Variants in SMC1B observed in about 807,000 individuals in gnomAD.
SMC1B encodes the protein structural maintenance of chromosomes protein 1B.
SMC1B carries 60 observed loss-of-function variants against 157.9 expected under a neutral mutation model. The observed-to-expected ratio is 0.38, with a 90% CI of 0.31 to 0.47. The LOEUF is 0.47. Ranked by LOEUF, SMC1B falls within the 20% of genes least tolerant of loss-of-function variation. The pLI, the probability that SMC1B is intolerant of heterozygous loss-of-function variation, is 0.99. For synonymous variants in SMC1B, 445 were observed against 483.0 expected, an observed-to-expected ratio of 0.92 and a Z score of 1.03; for missense variants, 1,165 against 1,426.2, an observed-to-expected ratio of 0.82 and a Z score of 2.95.
chr22:45,356,663 G>C (rs568207575), intron 19 of SMC1B, among the ~76,000 whole-genome samples: 1 of 151,664 alleles, frequency 6.6e-6, no homozygotes, highest in South Asian at 2.1e-4. Context: ...TTTACCATAA[G>C]ATGAGAAACC....
chr22:45,392,289 T>C (rs2087068640), intron 9 of SMC1B, among the ~76,000 whole-genome samples: 1 of 152,136 alleles, frequency 6.6e-6, no homozygotes, highest in Admixed American at 6.5e-5. Context: ...AACACATACA[T>C]GTGAGTTTGC....
At chr22:45,371,422 TG>T in intron 14 of SMC1B, 48 bp downstream of exon 14, 1 of 1,486,216 alleles carries the variant, frequency 6.7e-7, no homozygotes, top group South Asian at 1.5e-5. Flanking sequence ...ATCTAGTATC[TG>T]GTCTAGAACT....
chr22:45,390,824 T>C (rs1434424102), intron 9 of SMC1B, among the ~76,000 whole-genome samples: 1 of 152,212 alleles, frequency 6.6e-6, no homozygotes, highest in East Asian at 1.9e-4. Flanking sequence ...AATGTTTGAA[T>C]GTCAAGCATC....
chr22:45,398,495 G>A (rs534317236), intron 6 of SMC1B, among the ~76,000 whole-genome samples: 4 of 152,264 alleles, frequency 2.6e-5, no homozygotes, highest in African/African-American at 4.8e-5. Flanking sequence ...GAGCAAGGGC[G>A]TCACCAACTG....
intron 10 of SMC1B, among the ~76,000 whole-genome samples, chr22:45,388,465 T>A (rs2087014859): frequency 6.6e-6 from 1 of 152,016 alleles, no homozygotes; most frequent in South Asian, 2.1e-4. Context: ...AACAGACAGA[T>A]GAGATGGGGT....
chr22:45,353,658 AAATT>A (rs2086637204), intron 21 of SMC1B, among the ~76,000 whole-genome samples: 1 of 152,140 alleles, frequency 6.6e-6, no homozygotes, highest in Non-Finnish European at 1.5e-5. Flanking sequence ...CTATAAAATC[AAATT>A]AATACCAGAC....
chr22:45,400,375 C>T (rs2087178459), intron 5 of SMC1B, among the ~76,000 whole-genome samples: 1 of 152,142 alleles, frequency 6.6e-6, no homozygotes, highest in East Asian at 1.9e-4. Flanking sequence ...GAGAATATTT[C>T]AAAGGGACAC....
chr22:45,401,481 G>A (rs762877251), intron 5 of SMC1B, among the ~76,000 whole-genome samples: 1 of 152,254 alleles, frequency 6.6e-6, no homozygotes, highest in South Asian at 2.1e-4. Context: ...CACGTGTACA[G>A]TAGAAAAGCT....
intron 20 of SMC1B, among the ~76,000 whole-genome samples, chr22:45,354,489 C>T (rs2086650924): frequency 1.3e-5 from 2 of 152,146 alleles, no homozygotes; most frequent in South Asian, 4.1e-4. Flanking sequence ...CTCCCAGGTT[C>T]AAGCAATTCT....
chr22:45,413,335 C>A, intron 1 of SMC1B, 124 bp downstream of exon 1: 1 of 713,886 alleles, frequency 1.4e-6, no homozygotes. Flanking sequence ...GGTCAGGCTC[C>A]GGGACTGGAA....
chr22:45,357,679 T>G (rs1054940209), intron 19 of SMC1B, among the ~76,000 whole-genome samples: 2 of 152,218 alleles, frequency 1.3e-5, no homozygotes, highest in African/African-American at 4.8e-5. Context: ...CACAACACAG[T>G]CAGAAATGCT....
intron 18 of SMC1B, among the ~76,000 whole-genome samples, chr22:45,359,505 A>C (rs1019470762): frequency 6.6e-6 from 1 of 152,124 alleles, no homozygotes; most frequent in African/African-American, 2.4e-5. Context: ...CATGATGTAA[A>C]ATGTTATGAG....
chr22:45,367,283 A>T (rs2086785700), intron 15 of SMC1B, among the ~76,000 whole-genome samples: 3 of 151,790 alleles, frequency 2.0e-5, no homozygotes. Context: ...CCTGTTGGGT[A>T]CCTTTTCTTT....
At chr22:45,360,041 T>A (rs1285601655) in intron 17 of SMC1B, 83 bp from the exon 18 acceptor site, 24 of 1,055,760 alleles carry the variant, frequency 2.3e-5, no homozygotes. Context: ...CTATAAACTT[T>A]TATGAAAAAA....
At chr22:45,398,008 C>A (rs1210340553) in intron 6 of SMC1B, among the ~76,000 whole-genome samples, 1 of 152,170 alleles carries the variant, frequency 6.6e-6, no homozygotes. Context: ...TGGCAGAGGG[C>A]AGCTGCCCCA....
In SMC1B at chr22:45,402,527, C is replaced by A; in HGVS notation, c.660G>T (p.Lys220Asn). 6.2e-7 allele frequency: 1 copy of A among 1,613,820 alleles called. No individual in the cohort carries two copies. Among genetic ancestry groups the A allele is most frequent in the South Asian group, 1.1e-5 (1 of 91,044 alleles). ...QSLLEELKMN[K>N]IQLQLFQLYH... is the part of the protein sequence containing the mutation. Reference sequence around the variant, plus strand: ...ATAGTTGAAAAAGCTGCAGTTGTATCTTGTTCATTTTCAGTTCTTCAAGGA... The same window carrying A: ...ATAGTTGAAAAAGCTGCAGTTGTATATTGTTCATTTTCAGTTCTTCAAGGA... Residue 220 changes from lysine (K) to asparagine (N), a missense_variant, in exon 5 of 25, where the codon AAG (lysine) becomes AAT (asparagine). By Grantham distance (94) the Lys-to-Asn change is moderately conservative. Transcript: ENST00000357450.
At chr22:45,406,335 T>C in intron 4 of SMC1B, 125 bp downstream of exon 4, 2 of 733,888 alleles carry the variant, frequency 2.7e-6, no homozygotes, top group Admixed American at 3.4e-5. Flanking sequence ...TTAATGAATA[T>C]TGGGCTTTAA....
rs1183982445 is a variant in SMC1B at position 45,344,603 on chromosome 22, C to T, written c.3661G>A (p.Asp1221Asn). Residue 1221 changes from aspartate to asparagine, a missense_variant, in exon 25 of 25, where the codon GAC becomes AAC. By Grantham distance (23) the Asp-to-Asn change is conservative. Transcript: ENST00000357450. ...TTGCTGCTTTCTTGGCCTTCAGTGT[C>T]TGGATACTGAGAAAGATCTAGGGTC... ...VLTLDLSQYPDTEGQESSKRH... is the reference protein window; with the variant it reads ...VLTLDLSQYPNTEGQESSKRH... 6.8e-6 allele frequency: 11 copies of T among 1,614,016 alleles called. No individual in the cohort carries two copies. Among genetic ancestry groups the T allele is most frequent in the East Asian group, 2.2e-5 (1 of 44,898 alleles).
At chr22:45,407,799 G>C (rs1027371778) in intron 2 of SMC1B, among the ~76,000 whole-genome samples, 8 of 152,088 alleles carry the variant, frequency 5.3e-5, no homozygotes, top group Admixed American at 2.0e-4. Context: ...TAATGCAGAA[G>C]TGACTATGCC....
Sources: gnomAD v4.1 joint callset for allele counts (sites outside exome capture counted in the v4.1 genomes callset) on GRCh38, gnomAD v4.1.1 for gene constraint, MANE v1.5 for transcripts, NCBI Gene and HGNC (gene_info 2026-07-23, HGNC 2026-07-21) for gene names.